Variants in DOCK1 observed in about 807,000 individuals in gnomAD.
DOCK1 encodes dedicator of cytokinesis protein 1.
DOCK1 carries 138 observed loss-of-function variants against 262.7 expected under a neutral mutation model. That is an observed-to-expected ratio of 0.53 (90% CI 0.46 to 0.61). DOCK1 has a LOEUF of 0.61. DOCK1 is among the 20% of genes least tolerant of loss of function. The pLI is 0.00. For missense variants in DOCK1, 1,908 were observed against 2,370.7 expected (o/e 0.80, Z 4.05); for synonymous variants, 866 against 867.4 (o/e 1.00, Z 0.03).
chr10:127,140,586 A>G (rs553677827), intron 27 of DOCK1, among the ~76,000 whole-genome samples: 38 of 114,906 alleles, frequency 3.3e-4, no homozygotes, highest in Non-Finnish European at 3.7e-4. Context: ...TTCCTGCTCA[A>G]GGACTTTTCT....
At chr10:127,311,662 G>A (rs546125080) in intron 29 of DOCK1, among the ~76,000 whole-genome samples, 2 of 152,138 alleles carry the variant, frequency 1.3e-5, no homozygotes, top group African/African-American at 4.8e-5. Context: ...TTTCACAGTC[G>A]TCCTTTCGTC....
intron 27 of DOCK1, chr10:127,192,607 T>G (rs1409585690): frequency 6.6e-6 from 1 of 152,214 alleles, no homozygotes; most frequent in East Asian, 1.9e-4. Flanking sequence ...TGACTTACAG[T>G]AGAGGGGTCT....
intron 29 of DOCK1, among the ~76,000 whole-genome samples, chr10:127,279,885 C>T (rs189474116): frequency 1.2e-4 from 18 of 151,934 alleles, no homozygotes; most frequent in Non-Finnish European, 2.1e-4. Context: ...AAAGCAGTGG[C>T]GTTTTCTTAG....
chr10:126,907,769 G>T (rs995029052), intron 1 of DOCK1, among the ~76,000 whole-genome samples: 7 of 152,118 alleles, frequency 4.6e-5, no homozygotes, highest in African/African-American at 1.7e-4. Flanking sequence ...CGGTGCGCTT[G>T]AGTCTCACAC....
rs115216769 is a variant in DOCK1 at position 127,376,219 on chromosome 10, G to A, written c.3675+2005G>A. 2.0e-3 allele frequency among the ~76,000 whole-genome samples: 302 copies of A among 152,284 alleles called. 2 individuals are homozygous for A. The highest frequency in any genetic ancestry group is 7.0e-3 in the African/African-American group (292 of 41,556). Reference sequence around the variant, plus strand: ...ACATAAAAGAAGGTGGGTAAACTACGTAGAAACTCACAGAAATCATCAAGA... The same window carrying A: ...ACATAAAAGAAGGTGGGTAAACTACATAGAAACTCACAGAAATCATCAAGA... On this transcript the variant is annotated intron_variant, in intron 35 of 51. Coordinates refer to ENST00000623213, the MANE Select transcript of DOCK1 (RefSeq NM_001290223.2).
rs367890029 is a variant in DOCK1 at position 127,125,507 on chromosome 10, A to C, written c.2657A>C (p.Asp886Ala). Residue 886 changes from aspartate to alanine, a missense_variant, in exon 26 of 52, where the codon GAT becomes GCT. Coordinates refer to ENST00000623213, the MANE Select transcript of DOCK1 (RefSeq NM_001290223.2). ...GAGATCCTGCTTCCCATGATGACCG[A>C]TCAGCTCAAGTACCATCTGGAGAGA... ...CREILLPMMT[D>A]QLKYHLERQE... The C allele has an allele frequency of 1.2e-6, 2 of 1,613,748 alleles. No homozygotes were observed.
chr10:127,262,099 C>T (rs1182885531), intron 29 of DOCK1, among the ~76,000 whole-genome samples: 5 of 115,746 alleles, frequency 4.3e-5, no homozygotes, highest in African/African-American at 1.4e-4. Flanking sequence ...TACCCGTGCT[C>T]CTCTGTGTGC....
intron 43 of DOCK1, among the ~76,000 whole-genome samples, chr10:127,414,071 C>A (rs1466733335): frequency 1.3e-5 from 2 of 152,158 alleles, no homozygotes; most frequent in African/African-American, 4.8e-5. Flanking sequence ...GCCACCACAT[C>A]TGGCTAATTT....
chr10:127,160,137 GAA>G (rs200473636), intron 27 of DOCK1, among the ~76,000 whole-genome samples: 15 of 128,520 alleles, frequency 1.2e-4, no homozygotes, highest in African/African-American at 3.8e-4. Context: ...GGTCAGGAAA[GAA>G]AAAAAAAAAA....
chr10:126,922,887 G>T (rs1434880502), intron 1 of DOCK1, among the ~76,000 whole-genome samples: 1 of 152,218 alleles, frequency 6.6e-6, no homozygotes, highest in African/African-American at 2.4e-5. Context: ...GAGGTGGGCG[G>T]AGCACCTGAG....
intron 26 of DOCK1, among the ~76,000 whole-genome samples, chr10:127,126,285 C>T (rs970191023): frequency 1.3e-5 from 2 of 151,936 alleles, no homozygotes; most frequent in African/African-American, 4.8e-5. Flanking sequence ...TTAGTACAGA[C>T]GGGGTTTCAC....
intron 27 of DOCK1, among the ~76,000 whole-genome samples, chr10:127,202,040 G>A (rs993515670): frequency 5.3e-5 from 8 of 152,068 alleles, no homozygotes; most frequent in Non-Finnish European, 1.2e-4. Context: ...GGGCAGGAAG[G>A]AGCCAGGCAC....
At chr10:126,961,702 T>G (rs2134545114) in intron 1 of DOCK1, among the ~76,000 whole-genome samples, 1 of 152,350 alleles carries the variant, frequency 6.6e-6, no homozygotes, top group East Asian at 1.9e-4. Flanking sequence ...CCGATGGATA[T>G]TCCACTGTAT....
At position 127,221,262 on chromosome 10, in the gene DOCK1, T is replaced by C. The variant is rs867170704; in HGVS notation, c.2848-26746T>C. On this transcript the variant is annotated intron_variant, in intron 27 of 51. Transcript: ENST00000623213. ...TTATATTCACGTTGTTTTTCCTATGTCTTCAAGTTCTTTAAAGGAACTGAA... is the reference window on the plus strand; with the variant it reads ...TTATATTCACGTTGTTTTTCCTATGCCTTCAAGTTCTTTAAAGGAACTGAA... 2.0e-5 allele frequency among the ~76,000 whole-genome samples: 3 copies of C among 152,180 alleles called. No individual in the cohort carries two copies. The South Asian group carries it at 6.2e-4, about 32-fold the overall frequency.
At chr10:127,233,650 T>C (rs2058936284) in intron 27 of DOCK1, among the ~76,000 whole-genome samples, 1 of 152,232 alleles carries the variant, frequency 6.6e-6, no homozygotes, top group African/African-American at 2.4e-5. Flanking sequence ...CAATAGAATG[T>C]GAGTTATATG....
chr10:127,106,260 C>T lies in DOCK1; in HGVS notation c.2475C>T (p.Ile825=), dbSNP rs371720170. 1.0e-4 allele frequency: 161 copies of T among 1,596,580 alleles called. 1 individual carries two copies. The highest frequency in any genetic ancestry group is 5.4e-4 in the East Asian group (24 of 44,550). The change falls in exon 24 of 52, where the codon ATC becomes ATT. Residue 825 remains isoleucine (I), a synonymous_variant. Coordinates refer to ENST00000623213, the MANE Select transcript of DOCK1 (RefSeq NM_001290223.2). ...CAGCACTGAAATACTTACCAACGAT[C>T]GTCAACGATGTGAAATTGGTGTTTG... The part of the protein sequence containing the change: ...KGAALKYLPT[I]VNDVKLVFDP...
intron 4 of DOCK1, among the ~76,000 whole-genome samples, chr10:126,987,212 T>G (rs904798898): frequency 6.6e-6 from 1 of 152,180 alleles, no homozygotes; most frequent in Non-Finnish European, 1.5e-5. Context: ...TATACTTTCC[T>G]TTTGCCAGAC....
chr10:127,048,478 T>C (rs1291281701), intron 21 of DOCK1, among the ~76,000 whole-genome samples: 1 of 152,184 alleles, frequency 6.6e-6, no homozygotes, highest in Non-Finnish European at 1.5e-5. Context: ...CTTTTCTTAA[T>C]GGTGTCTTTC....
At chr10:127,417,554 A>C (rs563724694) in intron 44 of DOCK1, among the ~76,000 whole-genome samples, 51 of 151,698 alleles carry the variant, frequency 3.4e-4, no homozygotes, top group African/African-American at 1.1e-3. Flanking sequence ...TTTCCTCCCG[A>C]CCCCAGGGGC....
Sources: gnomAD v4.1 joint callset for allele counts (sites outside exome capture counted in the v4.1 genomes callset) on GRCh38, gnomAD v4.1.1 for gene constraint, MANE v1.5 for transcripts, NCBI Gene and HGNC (gene_info 2026-07-23, HGNC 2026-07-21) for gene names.